POTEJ: variants seen among roughly 807,000 people sequenced by gnomAD.
POTEJ encodes POTE ankyrin domain family, member J.
A neutral mutation model predicts 69.0 loss-of-function variants in POTEJ; 11 were observed. The observed-to-expected ratio is 0.16, with a 90% confidence interval of 0.10 to 0.26. The LOEUF (loss-of-function observed/expected upper bound fraction) is 0.26. Ranked by LOEUF, POTEJ falls within the 10% of genes least tolerant of loss-of-function variation. The probability of loss-of-function intolerance (pLI) is 1.00; values close to 1 mark genes in which losing one functional copy is unlikely to be tolerated. For synonymous variants in POTEJ, 117 were observed against 381.1 expected (o/e 0.31, Z 8.07); for missense variants, 327 against 1,045.5 (o/e 0.31, Z 9.48).
At chr2:130,639,529 C>T (rs1573987890) in intron 10 of POTEJ, among the ~76,000 whole-genome samples, 1 of 152,386 alleles carries the variant, frequency 6.6e-6, no homozygotes, top group African/African-American at 2.4e-5. Context: ...ACAATTTTCC[C>T]AATGCAAGGG....
intron 6 of POTEJ, among the ~76,000 whole-genome samples, chr2:130,625,762 A>C (rs77319994): frequency 9.0e-6 from 1 of 110,658 alleles, no homozygotes. Context: ...AGATACCAGA[A>C]GTTGGGAGTG....
intron 9 of POTEJ, among the ~76,000 whole-genome samples, chr2:130,638,148 A>G (rs1686179295): frequency 1.3e-5 from 2 of 150,474 alleles, no homozygotes; most frequent in Admixed American, 1.3e-4. Flanking sequence ...TTTCAGTCAT[A>G]AAGTTTAGGA....
At chr2:130,628,828 T>C (rs1447187525) in intron 6 of POTEJ, among the ~76,000 whole-genome samples, 2 of 149,946 alleles carry the variant, frequency 1.3e-5, no homozygotes, top group African/African-American at 5.0e-5. Context: ...AGGACCATCA[T>C]GGCCAATGGT....
chr2:130,650,404 G>A (rs1294829682), intron 13 of POTEJ, among the ~76,000 whole-genome samples: 2 of 152,238 alleles, frequency 1.3e-5, no homozygotes, highest in South Asian at 2.1e-4. Flanking sequence ...TTGTTATTGT[G>A]TGTTTATCTC....
chr2:130,649,653 C>T (rs1327269227), intron 13 of POTEJ, among the ~76,000 whole-genome samples: 1 of 152,158 alleles, frequency 6.6e-6, no homozygotes, highest in Non-Finnish European at 1.5e-5. Flanking sequence ...CAGAGTTCCT[C>T]CTAATAACTG....
At chr2:130,641,980 C>G (rs1294040023) in intron 10 of POTEJ, among the ~76,000 whole-genome samples, 1 of 152,022 alleles carries the variant, frequency 6.6e-6, no homozygotes, top group African/African-American at 2.4e-5. Context: ...ATGATACTCT[C>G]CATGACCTGT....
At chr2:130,640,753 A>T (rs867053155) in intron 10 of POTEJ, among the ~76,000 whole-genome samples, 4,435 of 151,686 alleles carry the variant, frequency 0.029, 3 homozygotes, top group African/African-American at 0.1. Flanking sequence ...GGCACTGGGA[A>T]GGTAAATACC....
chr2:130,637,228 G>T (rs1457665861), intron 9 of POTEJ, among the ~76,000 whole-genome samples: 1 of 151,366 alleles, frequency 6.6e-6, no homozygotes, highest in Non-Finnish European at 1.5e-5. Flanking sequence ...CAATATTGTG[G>T]TTATTCACTA....
chr2:130,615,726 C>G (rs1573967997), intron 1 of POTEJ, among the ~76,000 whole-genome samples: 1 of 149,160 alleles, frequency 6.7e-6, no homozygotes, highest in South Asian at 2.1e-4. Flanking sequence ...ACCTATGTAA[C>G]AAACCTGCAC....
At chr2:130,629,520 G>A (rs1685830500) in intron 6 of POTEJ, among the ~76,000 whole-genome samples, 1 of 142,024 alleles carries the variant, frequency 7.0e-6, no homozygotes, top group Non-Finnish European at 1.5e-5. Context: ...GGCTTTTCAG[G>A]CAGGGTCACC....
At chr2:130,629,027 A>G (rs1238876309) in intron 6 of POTEJ, among the ~76,000 whole-genome samples, 3 of 152,160 alleles carry the variant, frequency 2.0e-5, no homozygotes, top group Non-Finnish European at 2.9e-5. Context: ...TCAAAAAAAA[A>G]AAAGAAAGAA....
chr2:130,639,176 C>T (rs1231629017), intron 10 of POTEJ, among the ~76,000 whole-genome samples: 1 of 152,310 alleles, frequency 6.6e-6, no homozygotes, highest in Admixed American at 6.5e-5. Context: ...TGCGCACCTC[C>T]TCCTGTGTGG....
chr2:130,646,027 T>G, intron 12 of POTEJ, 102 bp from the exon 13 acceptor site: 1 of 1,436,048 alleles, frequency 7.0e-7, no homozygotes, highest in Non-Finnish European at 9.3e-7. Context: ...AATGCCACTT[T>G]AGGAACTTTA....
chr2:130,613,257 CATATATACATATATATACATATGT>C (rs1229224448), intron 1 of POTEJ, among the ~76,000 whole-genome samples: 23,143 of 98,398 alleles, frequency 0.24, 3,224 homozygotes, highest in African/African-American at 0.48. Flanking sequence ...TATATATACA[CATATATACATATATATACATATGT>C]ATATATACAT....
At chr2:130,622,805 C>G (rs1172022815) in intron 5 of POTEJ, 1 of 151,738 alleles carries the variant, frequency 6.6e-6, no homozygotes, top group Non-Finnish European at 1.5e-5. Flanking sequence ...TTGTCCATGA[C>G]GCATCACTAA....
chr2:130,631,112 A>G (rs1387031414), intron 7 of POTEJ, among the ~76,000 whole-genome samples: 1 of 146,478 alleles, frequency 6.8e-6, no homozygotes, highest in Non-Finnish European at 1.5e-5. Flanking sequence ...ACAAATGGTG[A>G]CCAAGTTAAG....
chr2:130,631,306 C>T, intron 7 of POTEJ, 103 bp from the exon 8 acceptor site: 2 of 242,304 alleles, frequency 8.3e-6, no homozygotes, highest in South Asian at 1.5e-4. Context: ...ATCGTCCATA[C>T]TTCATTAGTT....
chr2:130,645,855 G>A, intron 12 of POTEJ, 74 bp downstream of exon 12: 1 of 272,380 alleles, frequency 3.7e-6, no homozygotes, highest in Non-Finnish European at 7.1e-6. Flanking sequence ...TGTAGTAAAT[G>A]TAGGCATACA....
At position 130,645,596 on chromosome 2, in the gene POTEJ, T is replaced by C; in HGVS notation, c.1441-141T>C. 7.0e-6 allele frequency: 3 copies of C among 427,816 alleles called. 1 individual carries two copies. The highest frequency in any genetic ancestry group is 1.1e-5 in the Non-Finnish European group (3 of 268,158). The allele number at this position is 427,816 out of a possible 1,614,324, so 26.5% of individuals were successfully genotyped here. A position where few individuals can be genotyped will look rare whatever the true frequency, so the allele number is the denominator to read the frequency against. On this transcript the variant is annotated intron_variant, in intron 11 of 14. Transcript: ENST00000409602. ...AATTATTATTTATTTATTTTAACAG[T>C]TTAATTTTAATTACTTTCTAATTTT...
Sources: gnomAD v4.1 joint callset for allele counts (sites outside exome capture counted in the v4.1 genomes callset) on GRCh38, gnomAD v4.1.1 for gene constraint, MANE v1.5 for transcripts, NCBI Gene and HGNC (gene_info 2026-07-23, HGNC 2026-07-21) for gene names.